Variants in MAML3 observed in about 807,000 individuals in gnomAD.
The protein encoded by MAML3 is mastermind like transcriptional coactivator 3.
Under a neutral mutation model 101.9 loss-of-function variants are expected in MAML3, and 27 were observed. That is an observed-to-expected ratio of 0.27 (90% CI 0.20 to 0.37). MAML3 has a LOEUF of 0.37. Ranked by LOEUF, MAML3 falls within the 10% of genes least tolerant of loss-of-function variation. The probability of loss-of-function intolerance (pLI) is 1.00; values close to 1 mark genes in which losing one functional copy is unlikely to be tolerated. For synonymous variants in MAML3, 501 were observed against 555.9 expected (o/e 0.90, Z 1.39); for missense variants, 1,316 against 1,444.9 (o/e 0.91, Z 1.45).
intron 2 of MAML3, among the ~76,000 whole-genome samples, chr4:139,757,782 G>C (rs1372899470): frequency 6.6e-6 from 1 of 152,064 alleles, no homozygotes; most frequent in Non-Finnish European, 1.5e-5. Context: ...GTATTTGGCT[G>C]AATGTGTCTT....
chr4:140,101,302 C>T (rs567284517), intron 1 of MAML3, among the ~76,000 whole-genome samples: 2 of 152,298 alleles, frequency 1.3e-5, no homozygotes, highest in African/African-American at 4.8e-5. Context: ...CCTAATAGAA[C>T]ACTTTTCCTC....
chr4:139,815,698 T>C (rs922928419), intron 2 of MAML3, among the ~76,000 whole-genome samples: 3 of 152,166 alleles, frequency 2.0e-5, no homozygotes, highest in African/African-American at 7.2e-5. Context: ...TTGTGTTTAG[T>C]ATATACTTCA....
chr4:140,083,522 A>C (rs563778368), intron 1 of MAML3, among the ~76,000 whole-genome samples: 28 of 152,302 alleles, frequency 1.8e-4, no homozygotes, highest in Non-Finnish European at 3.5e-4. Context: ...CCTTGTTTGC[A>C]CATAAATGCT....
intron 1 of MAML3, among the ~76,000 whole-genome samples, chr4:140,098,394 T>C (rs186776626): frequency 1.0e-3 from 153 of 152,350 alleles, no homozygotes; most frequent in African/African-American, 3.4e-3. Context: ...TGGCAAGCAC[T>C]TAACAGAAGC....
In MAML3 at chr4:139,890,483, T is replaced by C. The variant is rs1397772513; in HGVS notation, c.953A>G (p.Asn318Ser). The C allele has an allele frequency of 6.2e-7, 1 of 1,614,026 alleles. No individual in the cohort carries two copies. Among genetic ancestry groups the C allele is most frequent in the Non-Finnish European group, 8.5e-7 (1 of 1,179,858 alleles). ...CTGTATGTCATCCTCAGGAACCGTGTTGGCCAATTCATCTATTAATTCTTG... is the reference window on the plus strand; with the variant it reads ...CTGTATGTCATCCTCAGGAACCGTGCTGGCCAATTCATCTATTAATTCTTG... ...EWQELIDELA[N>S]TVPEDDIQDL... Residue 318 changes from asparagine (N) to serine (S), a missense_variant, in exon 2 of 5, where the codon AAC becomes AGC. Coordinates refer to ENST00000509479, the MANE Select transcript of MAML3 (RefSeq NM_018717.5). The surrounding 1 kb of genome is among the most constrained non-coding windows in gnomAD (Gnocchi z 4.1).
At chr4:140,066,781 T>C (rs1383700382) in intron 1 of MAML3, among the ~76,000 whole-genome samples, 1 of 152,238 alleles carries the variant, frequency 6.6e-6, no homozygotes, top group African/African-American at 2.4e-5. Flanking sequence ...CAGATCTACC[T>C]ATCCCACCAA....
At chr4:139,872,715 G>GTGATGGAA (rs1305948772) in intron 2 of MAML3, among the ~76,000 whole-genome samples, 8 of 152,144 alleles carry the variant, frequency 5.3e-5, no homozygotes, top group African/African-American at 2.4e-5. Context: ...AAATGAAAAG[G>GTGATGGAA]TGATGGAAAG....
At chr4:140,146,246 C>A in intron 1 of MAML3, among the ~76,000 whole-genome samples, 1 of 152,138 alleles carries the variant, frequency 6.6e-6, no homozygotes, top group East Asian at 1.9e-4. Context: ...ACTTCCTGCT[C>A]CTATCCATGC....
chr4:139,813,910 CA>C (rs1295424236), intron 2 of MAML3, among the ~76,000 whole-genome samples: 2 of 152,106 alleles, frequency 1.3e-5, no homozygotes, highest in South Asian at 2.1e-4. Flanking sequence ...GACAGGACCA[CA>C]AAAAACTGAG....
chr4:139,910,908 C>G (rs1732904153), intron 1 of MAML3, among the ~76,000 whole-genome samples: 1 of 152,046 alleles, frequency 6.6e-6, no homozygotes, highest in South Asian at 2.1e-4. Flanking sequence ...GAAAATTTAC[C>G]ATCTTAGCCA....
In MAML3 at chr4:139,885,932, CAAAAA is replaced by C. The variant is rs1182443191; in HGVS notation, c.2079+3420_2079+3424del. 9.4e-4 allele frequency among the ~76,000 whole-genome samples: 19 copies of C among 20,300 alleles called. No homozygotes were observed. The East Asian group carries it at 0.017, about 18-fold the overall frequency. The allele number at this position is 20,300 out of a possible 152,430, so 13.3% of individuals were successfully genotyped here. On this transcript the variant is annotated intron_variant, in intron 2 of 4. Transcript: ENST00000509479. ...TGGGCGACAGGGCAAGACTCCGTCT[CAAAAA>C]AAAAAAAAAAAAAAAAAAAAGAAAG...
At chr4:139,725,281 C>T (rs971827995) in intron 4 of MAML3, among the ~76,000 whole-genome samples, 18 of 152,222 alleles carry the variant, frequency 1.2e-4, no homozygotes, top group African/African-American at 3.6e-4. Context: ...TCTTCCACTT[C>T]AGCTTTAGAG....
chr4:139,970,516 A>G (rs1734218725), intron 1 of MAML3, among the ~76,000 whole-genome samples: 1 of 152,170 alleles, frequency 6.6e-6, no homozygotes, highest in Non-Finnish European at 1.5e-5. Context: ...GGTTTTAAAA[A>G]TGGATCAGAC....
At chr4:139,962,862 C>T in intron 1 of MAML3, among the ~76,000 whole-genome samples, 1 of 151,908 alleles carries the variant, frequency 6.6e-6, no homozygotes, top group East Asian at 1.9e-4. Flanking sequence ...CAGGTTAACC[C>T]TCTTGTTACA....
At chr4:139,865,825 C>T (rs922997306) in intron 2 of MAML3, among the ~76,000 whole-genome samples, 1 of 152,266 alleles carries the variant, frequency 6.6e-6, no homozygotes. Context: ...AAGTAGTCTG[C>T]AGAAGCAAGG....
chr4:139,760,955 CTTTTCT>C (rs1172193669), intron 2 of MAML3, among the ~76,000 whole-genome samples: 1 of 151,734 alleles, frequency 6.6e-6, no homozygotes, highest in African/African-American at 2.4e-5. Context: ...GCTTTCTTTT[CTTTTCT>C]TTTTCTTTTT....
chr4:139,791,471 C>T (rs1251708453), intron 2 of MAML3, among the ~76,000 whole-genome samples: 1 of 144,498 alleles, frequency 6.9e-6, no homozygotes, highest in African/African-American at 2.6e-5. Flanking sequence ...CCACTGCACT[C>T]CAGCCCAGGA....
intron 1 of MAML3, among the ~76,000 whole-genome samples, chr4:140,054,368 CAA>C (rs1344234590): frequency 1.9e-4 from 13 of 69,002 alleles, no homozygotes; most frequent in Admixed American, 3.2e-4. Context: ...GACTCCGTCT[CAA>C]AAAAAAAAAA....
intron 1 of MAML3, among the ~76,000 whole-genome samples, chr4:140,107,416 G>T (rs938410808): frequency 6.6e-6 from 1 of 151,646 alleles, no homozygotes; most frequent in African/African-American, 2.4e-5. Flanking sequence ...TAGATTATTT[G>T]TCTAGCACTG....
Sources: allele counts gnomAD v4.1 joint callset (sites outside exome capture counted in the v4.1 genomes callset), GRCh38; gene constraint gnomAD v4.1.1; non-coding constraint Gnocchi (gnomAD v3.1); transcripts MANE v1.5; gene names NCBI Gene and HGNC (gene_info 2026-07-23, HGNC 2026-07-21).